Variants in AK2 observed in about 807,000 individuals in gnomAD.
AK2 encodes adenylate kinase 2.
In AK2, 15 loss-of-function variants were observed where a neutral mutation model predicts 24.6. That is an observed-to-expected ratio of 0.61 (90% CI 0.41 to 0.94). The LOEUF is 0.94. Ranked by LOEUF, AK2 falls within the 40% of genes least tolerant of loss-of-function variation. The pLI is 0.00. For synonymous variants in AK2, 102 were observed against 114.0 expected, an observed-to-expected ratio of 0.90 and a Z score of 0.67; for missense variants, 257 against 304.1, an observed-to-expected ratio of 0.85 and a Z score of 1.15.
intron 4 of AK2, among the ~76,000 whole-genome samples, chr1:33,017,094 T>C (rs1482362495): frequency 1.3e-5 from 2 of 152,330 alleles, no homozygotes; most frequent in Non-Finnish European, 1.5e-5. Flanking sequence ...AGATTATGTA[T>C]ACCTAATACA....
Position 33,009,302 on chromosome 1 carries a change from C to G in AK2, c.*3879G>C. The G allele has an allele frequency of 2.2e-6, 1 of 454,120 alleles. No individual in the cohort carries two copies. Among genetic ancestry groups the G allele is most frequent in the Non-Finnish European group, 4.4e-6 (1 of 226,798 alleles). 28.1% of individuals were successfully genotyped at this position (454,120 alleles called of 1,614,324 possible). A position where few individuals can be genotyped will look rare whatever the true frequency, so the allele number is the denominator to read the frequency against. ...CTTTAGTTTGGAGAAATTATTTAAG[C>G]TCACTTTTGCTGGAGAGGAAATGAA... On this transcript the variant is annotated 3_prime_UTR_variant, in exon 6 of 6. Coordinates refer to ENST00000672715, the MANE Select transcript of AK2 (RefSeq NM_001625.4).
chr1:33,024,773 TA>T, intron 1 of AK2, among the ~76,000 whole-genome samples: 1 of 152,296 alleles, frequency 6.6e-6, no homozygotes, highest in Non-Finnish European at 1.5e-5. Flanking sequence ...TTACATGAAA[TA>T]ATATATGTAA....
In AK2 at chr1:33,024,665, G is replaced by C. The variant is rs1430080319; in HGVS notation, c.94-98C>G. ...CCTGGCCCTGCCACTTACTGGCTAT[G>C]TAAACATGGGCAAATGCCTACTTCC... On this transcript the variant is annotated intron_variant, in intron 1 of 5. Coordinates refer to ENST00000672715, the MANE Select transcript of AK2 (RefSeq NM_001625.4). 5.4e-6 allele frequency: 8 copies of C among 1,485,338 alleles called. No homozygotes were observed. In the Admixed American group the frequency reaches 1.4e-4, roughly 27 times the overall value. 92.0% of individuals were successfully genotyped at this position (1,485,338 alleles called of 1,614,324 possible).
chr1:33,027,684 T>C (rs890929524), intron 1 of AK2, among the ~76,000 whole-genome samples: 9 of 150,760 alleles, frequency 6.0e-5, no homozygotes, highest in African/African-American at 2.2e-4. Flanking sequence ...GAGGTGGAGG[T>C]TGCAGTGAGC....
At chr1:33,014,471 G>T in intron 5 of AK2, 51 bp downstream of exon 5, 1 of 1,386,784 alleles carries the variant, frequency 7.2e-7, no homozygotes, top group Non-Finnish European at 1.0e-6. Context: ...GAAAAACAGT[G>T]AAGAAAGGGG....
chr1:33,027,548 G>C (rs2124361956), intron 1 of AK2, among the ~76,000 whole-genome samples: 1 of 152,130 alleles, frequency 6.6e-6, no homozygotes, highest in Non-Finnish European at 1.5e-5. Context: ...AAGACTTCAA[G>C]ACCAGCCTGG....
chr1:33,020,940 T>C (rs1639505454), intron 4 of AK2, among the ~76,000 whole-genome samples: 1 of 151,674 alleles, frequency 6.6e-6, no homozygotes, highest in Non-Finnish European at 1.5e-5. Flanking sequence ...TGAGGTCAGT[T>C]CAAAACCAGC....
intron 4 of AK2, chr1:33,020,223 A>G: frequency 1.7e-6 from 2 of 1,192,416 alleles, no homozygotes; most frequent in Non-Finnish European, 1.2e-6. Context: ...ACACACACAC[A>G]CACACAAAGT....
Position 33,013,420 on chromosome 1 carries a change from G to A in AK2, c.499-18C>T. The A allele has an allele frequency of 6.2e-7, 1 of 1,608,864 alleles. No homozygotes were observed. The highest frequency in any genetic ancestry group is 1.1e-5 in the South Asian group (1 of 90,504). On this transcript the variant is annotated intron_variant, in intron 5 of 5. Transcript: ENST00000672715. ...CCGGTGATCTGAGAACAGGAAGACAGCAATGAAAGGCTGGGACTGTTAGCA... is the reference window on the plus strand; with the variant it reads ...CCGGTGATCTGAGAACAGGAAGACAACAATGAAAGGCTGGGACTGTTAGCA...
intron 1 of AK2, chr1:33,031,766 C>G (rs1569733750): frequency 4.6e-6 from 2 of 438,182 alleles, no homozygotes; most frequent in African/African-American, 2.0e-5. Context: ...GCGTGCCTGG[C>G]CTCGAAGAAT....
chr1:33,019,767 A>G (rs1286065674), intron 4 of AK2: 1 of 1,053,194 alleles, frequency 9.5e-7, no homozygotes. Context: ...CCAAAAATTT[A>G]CATGCATTAT....
At chr1:33,020,257 C>T in intron 4 of AK2, 1 of 998,374 alleles carries the variant, frequency 1.0e-6, no homozygotes, top group Non-Finnish European at 1.5e-6. Context: ...GCAAATTCTT[C>T]CTCCATTTTC....
intron 4 of AK2, 79 bp downstream of exon 4, chr1:33,021,288 C>A: frequency 7.8e-7 from 1 of 1,274,412 alleles, no homozygotes; most frequent in Non-Finnish European, 1.1e-6. Flanking sequence ...AGCTTCATGG[C>A]CGGGATTAGG....
chr1:33,022,990 C>T (rs960225733), intron 2 of AK2, among the ~76,000 whole-genome samples: 3 of 152,092 alleles, frequency 2.0e-5, no homozygotes, highest in African/African-American at 7.2e-5. Context: ...GAAGGGAAAA[C>T]TAGATAGAAA....
intron 1 of AK2, among the ~76,000 whole-genome samples, chr1:33,035,508 T>C (rs1640523060): frequency 6.6e-6 from 1 of 152,148 alleles, no homozygotes; most frequent in South Asian, 2.1e-4. Context: ...CAGATTCCCT[T>C]TCATTTGGGA....
chr1:33,019,628 C>T, intron 4 of AK2: 1 of 993,146 alleles, frequency 1.0e-6, no homozygotes, highest in Non-Finnish European at 1.2e-6. Flanking sequence ...TAGTGCTAAC[C>T]CTGTGCTGTC....
At chr1:33,024,657 C>T (rs1489463101) in intron 1 of AK2, 90 bp from the exon 2 acceptor site, 13 of 1,550,040 alleles carry the variant, frequency 8.4e-6, no homozygotes, top group African/African-American at 1.4e-5. Context: ...CTGCCACTTA[C>T]TGGCTATGTA....
chr1:33,020,333 C>G (rs1176644366), intron 4 of AK2, among the ~76,000 whole-genome samples: 1 of 152,132 alleles, frequency 6.6e-6, no homozygotes, highest in African/African-American at 2.4e-5. Flanking sequence ...ATGGCAACTC[C>G]AGCTGAAATC....
intron 2 of AK2, among the ~76,000 whole-genome samples, chr1:33,021,998 G>A (rs541641729): frequency 6.6e-6 from 1 of 152,144 alleles, no homozygotes; most frequent in South Asian, 2.1e-4. Context: ...ACTTCACCAG[G>A]AGAGCTTTGT....
Sources: gnomAD v4.1 joint callset for allele counts (sites outside exome capture counted in the v4.1 genomes callset) on GRCh38, gnomAD v4.1.1 for gene constraint, MANE v1.5 for transcripts, NCBI Gene and HGNC (gene_info 2026-07-23, HGNC 2026-07-21) for gene names.